KDM2B: variants seen among roughly 807,000 people sequenced by gnomAD.
KDM2B encodes lysine demethylase 2B.
In KDM2B, 26 loss-of-function variants were observed where a neutral mutation model predicts 150.0. The ratio of observed to expected loss-of-function variants is 0.17; its 90% confidence interval spans 0.13 to 0.24. KDM2B has a LOEUF of 0.24. Ranked by LOEUF, KDM2B falls within the 10% of genes least tolerant of loss-of-function variation. KDM2B has a pLI of 1.00. For synonymous variants in KDM2B, 734 were observed against 729.5 expected, an observed-to-expected ratio of 1.01 and a Z score of -0.10; for missense variants, 1,265 against 1,816.9, an observed-to-expected ratio of 0.70 and a Z score of 5.52.
intron 13 of KDM2B, among the ~76,000 whole-genome samples, chr12:121,448,046 T>G (rs563577169): frequency 1.5e-4 from 23 of 151,790 alleles, no homozygotes; most frequent in Non-Finnish European, 2.6e-4. Context: ...TGGCCAGGAG[T>G]GATAGCACAT....
Position 121,467,403 on chromosome 12 carries a change from G to A in KDM2B, c.1735-14059C>T, listed in dbSNP as rs1457414389. 14 of 938,966 alleles carry A rather than the reference G, an allele frequency of 1.5e-5. No individual in the cohort carries two copies. The Admixed American group carries it at 7.6e-4, about 51-fold the overall frequency. 58.2% of individuals were successfully genotyped at this position (938,966 alleles called of 1,614,324 possible). On this transcript the variant is annotated intron_variant, in intron 12 of 22. Coordinates refer to ENST00000377071, the MANE Select transcript of KDM2B (RefSeq NM_032590.5). This position sits in a 1 kb window ranked among gnomAD's most constrained non-coding sequence, Gnocchi z 5.1. ...TGGAGGGGGCGGGGAGGGGCCGGCG[G>A]GGGAGGGCCGGGGCGCCATGCATAT...
At chr12:121,561,013 T>C (rs1243293801) in intron 4 of KDM2B, among the ~76,000 whole-genome samples, 1 of 152,076 alleles carries the variant, frequency 6.6e-6, no homozygotes, top group Non-Finnish European at 1.5e-5. Context: ...TGCCTGGAGT[T>C]CCTAGGCAGG....
In KDM2B at chr12:121,494,999, C is replaced by CTTT. The variant is rs71079074; in HGVS notation, c.1648-337_1648-335dup. ...TCGGGGACTCACACACAAACTTTTT[C>CTTT]TTTTTTTTTTTTTTTTGAGACAGAA... On this transcript the variant is annotated intron_variant, in intron 11 of 22. Transcript: ENST00000377071. Among the ~76,000 whole-genome samples, 955 of 138,598 alleles carry CTTT rather than the reference C, an allele frequency of 6.9e-3. 9 individuals are homozygous for CTTT. The highest frequency in any genetic ancestry group is 0.015 in the Middle Eastern group (4 of 266). 90.9% of individuals were successfully genotyped at this position (138,598 alleles called of 152,430 possible).
intron 12 of KDM2B, among the ~76,000 whole-genome samples, chr12:121,489,149 T>A (rs782449979): frequency 6.6e-6 from 1 of 152,096 alleles, no homozygotes; most frequent in Non-Finnish European, 1.5e-5. Context: ...TTCACCATGT[T>A]GGCCAGGCTG....
chr12:121,442,428 G>C lies in KDM2B; in HGVS notation c.3013C>G (p.Pro1005Ala), dbSNP rs1555288655. 1 of 1,599,160 alleles carries C rather than the reference G, an allele frequency of 6.3e-7. No individual in the cohort carries two copies. The change falls in exon 19 of 23, where the codon CCC (proline) becomes GCC (alanine). Residue 1005 changes from proline to alanine, a missense_variant. By Grantham distance (27) the Pro-to-Ala change is conservative. Coordinates refer to ENST00000377071, the MANE Select transcript of KDM2B (RefSeq NM_032590.5). The surrounding 1 kb of genome is among the most constrained non-coding windows in gnomAD (Gnocchi z 7.7). ...HRFSKGLNGT[P>A]RELRHQLGPS... is the part of the protein sequence containing the mutation. Reference sequence around the variant, plus strand: ...CCCAGCTGGTGCCGCAGCTCCCGGGGGGTGCCGTTGAGCCCCTTGCTGAAG... The same window carrying C: ...CCCAGCTGGTGCCGCAGCTCCCGGGCGGTGCCGTTGAGCCCCTTGCTGAAG...
intron 4 of KDM2B, among the ~76,000 whole-genome samples, chr12:121,566,558 T>G (rs1890719357): frequency 6.7e-6 from 1 of 149,278 alleles, no homozygotes; most frequent in Non-Finnish European, 1.5e-5. Context: ...GAGGCGGAGG[T>G]TGCAGTGAGC....
At chr12:121,550,558 A>G (rs1889408616) in intron 4 of KDM2B, among the ~76,000 whole-genome samples, 1 of 151,988 alleles carries the variant, frequency 6.6e-6, no homozygotes. Flanking sequence ...CAGTGGCACA[A>G]TCTCGGCTCA....
chr12:121,463,377 G>A (rs1035638620), intron 12 of KDM2B, among the ~76,000 whole-genome samples: 1 of 151,404 alleles, frequency 6.6e-6, no homozygotes, highest in Non-Finnish European at 1.5e-5. Flanking sequence ...CCTAGATGAT[G>A]GGTTGATAGG....
At chr12:121,494,468 C>A in intron 12 of KDM2B, 111 bp downstream of exon 12, 1 of 690,044 alleles carries the variant, frequency 1.4e-6, no homozygotes, top group South Asian at 1.7e-5. Context: ...AACTGCGGTG[C>A]CTTCATCTCA....
intron 12 of KDM2B, among the ~76,000 whole-genome samples, chr12:121,455,181 C>G (rs55871623): frequency 0.075 from 11,433 of 152,244 alleles, 599 homozygotes; most frequent in South Asian, 0.23. Context: ...AGCTCTGGGC[C>G]TCTACCCTGC....
At chr12:121,492,713 C>T (rs1321161570) in intron 12 of KDM2B, among the ~76,000 whole-genome samples, 4 of 151,158 alleles carry the variant, frequency 2.6e-5, no homozygotes, top group African/African-American at 9.7e-5. Flanking sequence ...CCTGTAATCC[C>T]AGCTACTCAG....
intron 12 of KDM2B, among the ~76,000 whole-genome samples, chr12:121,485,439 T>A (rs921047743): frequency 6.6e-6 from 1 of 152,172 alleles, no homozygotes; most frequent in African/African-American, 2.4e-5. Context: ...CCGATTGTCC[T>A]ATCAGTGCTG....
rs71079073 is a variant in KDM2B at position 121,486,333 on chromosome 12, C to CTTTTT, written c.1734+8241_1734+8245dup. Among the ~76,000 whole-genome samples, 11 of 59,018 alleles carry CTTTTT rather than the reference C, an allele frequency of 1.9e-4. 1 individual carries two copies. Among genetic ancestry groups the CTTTTT allele is most frequent in the Non-Finnish European group, 2.9e-4 (10 of 34,474 alleles). The allele number at this position is 59,018 out of a possible 152,430, so 38.7% of individuals were successfully genotyped here. On this transcript the variant is annotated intron_variant, in intron 12 of 22. Coordinates refer to ENST00000377071, the MANE Select transcript of KDM2B (RefSeq NM_032590.5). ...TGTTGATCAGGCTGGTTTCGAACTC[C>CTTTTT]TTTTTTTTTTTTTTTTTTTTTTTTT... is the stretch of plus-strand genomic sequence containing the variant.
At chr12:121,412,721 A>G in the KDM2B span, among the ~76,000 whole-genome samples, 8 of 139,374 alleles carry the variant, frequency 5.7e-5, no homozygotes, top group African/African-American at 2.2e-4. Context: ...CTAGATGTTC[A>G]TGCTTTTTTT....
chr12:121,523,081 G>T (rs1004743426), intron 8 of KDM2B, among the ~76,000 whole-genome samples: 1 of 152,230 alleles, frequency 6.6e-6, no homozygotes. Context: ...AGATGGGCAG[G>T]AGGAGAATCA....
intron 11 of KDM2B, among the ~76,000 whole-genome samples, chr12:121,495,255 G>T (rs1384327057): frequency 6.6e-6 from 1 of 151,936 alleles, no homozygotes. Context: ...CTGCCTCTTG[G>T]GTTCAAGCGA....
At chr12:121,479,453 C>G (rs1391619101) in intron 12 of KDM2B, among the ~76,000 whole-genome samples, 9 of 122,114 alleles carry the variant, frequency 7.4e-5, no homozygotes, top group African/African-American at 3.1e-4. Flanking sequence ...GGCGACAGAG[C>G]GAGACCCTGT....
intron 8 of KDM2B, among the ~76,000 whole-genome samples, chr12:121,527,744 C>A (rs1887281603): frequency 1.3e-5 from 2 of 151,252 alleles, no homozygotes; most frequent in South Asian, 4.2e-4. Context: ...AAAATGTTCA[C>A]TGGATCAAGC....
chr12:121,478,596 T>C (rs1163763923), intron 12 of KDM2B, among the ~76,000 whole-genome samples: 1 of 151,502 alleles, frequency 6.6e-6, no homozygotes, highest in African/African-American at 2.4e-5. Context: ...TCTGACCTCA[T>C]GATCCACCCG....
Sources: gnomAD v4.1 joint callset for allele counts (sites outside exome capture counted in the v4.1 genomes callset) on GRCh38, gnomAD v4.1.1 for gene constraint, Gnocchi (gnomAD v3.1) non-coding constraint, MANE v1.5 for transcripts, NCBI Gene and HGNC (gene_info 2026-07-23, HGNC 2026-07-21) for gene names.